The following BCL2L1 variants were observed in gnomAD, a reference collection of about 807,000 sequenced individuals.
BCL2L1 encodes bcl-2-like protein 1.
A neutral mutation model predicts 18.7 loss-of-function variants in BCL2L1; 1 was observed. The observed-to-expected ratio is 0.05, with a 90% CI of 0.02 to 0.25. The LOEUF (loss-of-function observed/expected upper bound fraction) is 0.25. Among genes scored for constraint, BCL2L1 ranks in the 10% least tolerant of loss-of-function variants. The pLI, the probability that BCL2L1 is intolerant of heterozygous loss-of-function variation, is 1.00. For synonymous variants in BCL2L1, 103 were observed against 122.7 expected (o/e 0.84, Z 1.06); for missense variants, 207 against 304.9 (o/e 0.68, Z 2.39).
chr20:31,679,760 T>C (rs2060826592), intron 2 of BCL2L1, among the ~76,000 whole-genome samples: 1 of 152,226 alleles, frequency 6.6e-6, no homozygotes, highest in South Asian at 2.1e-4. Flanking sequence ...GCCTCCTGGG[T>C]TCAAGCGATT....
At chr20:31,700,715 T>C (rs1034428152) in intron 2 of BCL2L1, among the ~76,000 whole-genome samples, 4 of 152,242 alleles carry the variant, frequency 2.6e-5, no homozygotes, top group African/African-American at 9.6e-5. Context: ...TCATTTGGCA[T>C]TTAGCATTTA....
intron 2 of BCL2L1, among the ~76,000 whole-genome samples, chr20:31,679,605 A>G (rs1302840758): frequency 1.3e-5 from 2 of 152,178 alleles, no homozygotes; most frequent in African/African-American, 4.8e-5. Flanking sequence ...GCAGAGTTCA[A>G]TGGTCCATGG....
intron 2 of BCL2L1, among the ~76,000 whole-genome samples, chr20:31,684,843 T>C (rs866383694): frequency 3.3e-5 from 5 of 152,150 alleles, no homozygotes; most frequent in Admixed American, 2.0e-4. Flanking sequence ...ATCTCCACGG[T>C]TGGTTGCATA....
At chr20:31,688,327 C>T (rs1204984218) in intron 2 of BCL2L1, among the ~76,000 whole-genome samples, 1 of 151,646 alleles carries the variant, frequency 6.6e-6, no homozygotes, top group Non-Finnish European at 1.5e-5. Flanking sequence ...ACCTGTAGTC[C>T]CAGCTACTTG....
chr20:31,700,362 G>A (rs1290269993), intron 2 of BCL2L1, among the ~76,000 whole-genome samples: 1 of 152,182 alleles, frequency 6.6e-6, no homozygotes, highest in African/African-American at 2.4e-5. Flanking sequence ...CTGGGAATCA[G>A]CAGCCCAACC....
chr20:31,712,719 A>G (rs1025945979), intron 2 of BCL2L1, among the ~76,000 whole-genome samples: 9 of 152,230 alleles, frequency 5.9e-5, no homozygotes, highest in African/African-American at 2.2e-4. Context: ...GGCTCCTTGG[A>G]AGGGACACTA....
intron 2 of BCL2L1, among the ~76,000 whole-genome samples, chr20:31,702,943 T>C (rs1464495159): frequency 7.4e-6 from 1 of 134,254 alleles, no homozygotes; most frequent in East Asian, 2.5e-4. Context: ...CAAGACTCCA[T>C]CTCAAAAAAA....
At chr20:31,666,897 A>G (rs960828339) in intron 2 of BCL2L1, among the ~76,000 whole-genome samples, 1 of 152,150 alleles carries the variant, frequency 6.6e-6, no homozygotes. Context: ...GGGAAGGAGG[A>G]GCTGTGGGCT....
chr20:31,715,481 C>T (rs1190816570), intron 2 of BCL2L1, among the ~76,000 whole-genome samples: 1 of 152,094 alleles, frequency 6.6e-6, no homozygotes, highest in African/African-American at 2.4e-5. Flanking sequence ...AGCATGCTCC[C>T]TCCTGAGTCC....
At chr20:31,721,505 T>C in intron 2 of BCL2L1, 150 bp downstream of exon 2, 1 of 899,386 alleles carries the variant, frequency 1.1e-6, no homozygotes, top group Non-Finnish European at 1.6e-6. Flanking sequence ...AGTTAACCTC[T>C]TGTGGTGAAA....
At chr20:31,696,153 C>T (rs1220953312) in intron 2 of BCL2L1, among the ~76,000 whole-genome samples, 2 of 152,198 alleles carry the variant, frequency 1.3e-5, no homozygotes, top group South Asian at 4.1e-4. Context: ...GACTTTGGTT[C>T]GTTCAGACTG....
chr20:31,686,848 G>A (rs1421673538), intron 2 of BCL2L1, among the ~76,000 whole-genome samples: 1 of 152,186 alleles, frequency 6.6e-6, no homozygotes, highest in African/African-American at 2.4e-5. Context: ...GCCAAGGGAA[G>A]CCCATGGAGA....
intron 2 of BCL2L1, among the ~76,000 whole-genome samples, chr20:31,715,663 C>A (rs2122813469): frequency 6.6e-6 from 1 of 152,284 alleles, no homozygotes; most frequent in Admixed American, 6.5e-5. Context: ...AAATATACTT[C>A]TTTGGCATAT....
intron 2 of BCL2L1, among the ~76,000 whole-genome samples, 190 bp from the exon 3 acceptor site, chr20:31,666,276 A>G (rs1452587113): frequency 2.6e-5 from 4 of 152,138 alleles, no homozygotes; most frequent in Admixed American, 2.6e-4. Context: ...TAATCAAACC[A>G]TGTTACTGCT....
At chr20:31,686,590 G>A (rs1477803323) in intron 2 of BCL2L1, among the ~76,000 whole-genome samples, 3 of 152,186 alleles carry the variant, frequency 2.0e-5, no homozygotes. Context: ...CCACTTCTCT[G>A]TTTTGTGTCC....
chr20:31,714,546 T>G (rs2061498661), intron 2 of BCL2L1, among the ~76,000 whole-genome samples: 2 of 152,212 alleles, frequency 1.3e-5, no homozygotes, highest in African/African-American at 4.8e-5. Context: ...TCTTTATGCA[T>G]CTCAGGTATA....
In BCL2L1 at chr20:31,697,892, G is replaced by GTTTTTTTTTT. The variant is rs199575410; in HGVS notation, c.564+23753_564+23762dup. On this transcript the variant is annotated intron_variant, in intron 2 of 2. Transcript: ENST00000307677. The stretch of plus-strand genomic sequence containing the variant: ...AGAATCCTCAGCATGTGCTGTTGCT[G>GTTTTTTTTTT]TTTTTTTTTTTTTGAGACGGAGTCT... Among the ~76,000 whole-genome samples the GTTTTTTTTTT allele has an allele frequency of 3.7e-3, 484 of 129,624 alleles. 30 individuals are homozygous for GTTTTTTTTTT. The highest frequency in any genetic ancestry group is 0.015 in the African/African-American group (467 of 30,484). The allele number at this position is 129,624 out of a possible 152,430, so 85.0% of individuals were successfully genotyped here.
At chr20:31,702,688 T>C (rs1440526796) in intron 2 of BCL2L1, among the ~76,000 whole-genome samples, 2 of 151,482 alleles carry the variant, frequency 1.3e-5, no homozygotes, top group East Asian at 4.0e-4. Context: ...TAATTTTGTA[T>C]TTTTAGTAGA....
intron 2 of BCL2L1, among the ~76,000 whole-genome samples, chr20:31,697,046 A>G (rs1307355255): frequency 2.2e-5 from 3 of 137,940 alleles, no homozygotes; most frequent in African/African-American, 8.8e-5. Flanking sequence ...GCAAGACTCT[A>G]TCTCAAAAAA....
Sources: gnomAD v4.1 joint callset for allele counts (sites outside exome capture counted in the v4.1 genomes callset) on GRCh38, gnomAD v4.1.1 for gene constraint, MANE v1.5 for transcripts, NCBI Gene and HGNC (gene_info 2026-07-23, HGNC 2026-07-21) for gene names.